The following SLC4A10 variants were observed in gnomAD, a reference collection of about 807,000 sequenced individuals.
SLC4A10 encodes solute carrier family 4 member 10, also known as sodium-driven chloride bicarbonate exchanger.
A neutral mutation model predicts 137.7 loss-of-function variants in SLC4A10; 42 were observed. That is an observed-to-expected ratio of 0.30 (90% confidence interval 0.24 to 0.39). The LOEUF (loss-of-function observed/expected upper bound fraction) is 0.39, where lower values mean the gene tolerates loss of function less well. Ranked by LOEUF, SLC4A10 falls within the 10% of genes least tolerant of loss-of-function variation. The pLI is 1.00. For synonymous variants in SLC4A10, 474 were observed against 464.1 expected (o/e 1.02, Z -0.27); for missense variants, 925 against 1,355.0 (o/e 0.68, Z 4.98).
At chr2:161,740,880 A>G (rs1277626125) in intron 1 of SLC4A10, among the ~76,000 whole-genome samples, 2 of 152,226 alleles carry the variant, frequency 1.3e-5, no homozygotes, top group Non-Finnish European at 2.9e-5. Flanking sequence ...AAGATATATT[A>G]AGATGTTTTA....
intron 6 of SLC4A10, among the ~76,000 whole-genome samples, chr2:161,866,303 C>T: frequency 6.6e-6 from 1 of 151,994 alleles, no homozygotes; most frequent in East Asian, 1.9e-4. Context: ...TTTCCTTGCT[C>T]TTCTCCTTCC....
chr2:161,942,454 T>C (rs1692889296), intron 15 of SLC4A10, among the ~76,000 whole-genome samples: 2 of 152,176 alleles, frequency 1.3e-5, no homozygotes. Context: ...TAAATACCCC[T>C]TTAATTTTAA....
chr2:161,711,888 T>G (rs1350849173), intron 1 of SLC4A10, among the ~76,000 whole-genome samples: 1 of 151,758 alleles, frequency 6.6e-6, no homozygotes, highest in African/African-American at 2.4e-5. Flanking sequence ...ATTAAGTGAG[T>G]TAATGTATGT....
At chr2:161,731,541 T>G (rs987158051) in intron 1 of SLC4A10, among the ~76,000 whole-genome samples, 1 of 152,140 alleles carries the variant, frequency 6.6e-6, no homozygotes, top group Non-Finnish European at 1.5e-5. Flanking sequence ...ACTTTTAAAT[T>G]TACAGACATA....
At chr2:161,640,102 T>C (rs1229605297) in intron 1 of SLC4A10, among the ~76,000 whole-genome samples, 5 of 152,192 alleles carry the variant, frequency 3.3e-5, no homozygotes, top group Non-Finnish European at 2.9e-5. Flanking sequence ...TACTTCTCCA[T>C]TTTTTATTCA....
At chr2:161,628,516 A>T (rs2032903217) in intron 1 of SLC4A10, among the ~76,000 whole-genome samples, 1 of 152,100 alleles carries the variant, frequency 6.6e-6, no homozygotes, top group African/African-American at 2.4e-5. Context: ...TCTTTAATGT[A>T]ATTAAATCAG....
intron 13 of SLC4A10, 52 bp from the exon 14 acceptor site, chr2:161,904,724 C>T: frequency 6.3e-7 from 1 of 1,598,116 alleles, no homozygotes; most frequent in Non-Finnish European, 8.5e-7. Context: ...TCCTTAGCTA[C>T]AATGGCCTCC....
intron 9 of SLC4A10, 86 bp from the exon 10 acceptor site, chr2:161,882,271 T>C (rs41267443): frequency 0.081 from 57,351 of 706,752 alleles, 2,663 homozygotes; most frequent in East Asian, 0.12. Context: ...CCATTTTCAG[T>C]AATTCCTTTG....
At chr2:161,706,120 A>G (rs1288937541) in intron 1 of SLC4A10, among the ~76,000 whole-genome samples, 2 of 151,548 alleles carry the variant, frequency 1.3e-5, no homozygotes, top group Admixed American at 6.6e-5. Flanking sequence ...AGATCTTATC[A>G]ACTAGATAAT....
At chr2:161,700,059 G>A (rs2042967530) in intron 1 of SLC4A10, among the ~76,000 whole-genome samples, 1 of 152,118 alleles carries the variant, frequency 6.6e-6, no homozygotes, top group Non-Finnish European at 1.5e-5. Context: ...AAGATCAGAT[G>A]TAATAGCATG....
intron 1 of SLC4A10, among the ~76,000 whole-genome samples, chr2:161,716,942 T>C (rs1244669201): frequency 6.6e-6 from 1 of 152,150 alleles, no homozygotes; most frequent in African/African-American, 2.4e-5. Flanking sequence ...GTGGATTGTT[T>C]TTCGATTTGT....
intron 15 of SLC4A10, among the ~76,000 whole-genome samples, chr2:161,942,475 T>A (rs565286225): frequency 6.6e-6 from 1 of 152,272 alleles, no homozygotes; most frequent in South Asian, 2.1e-4. Flanking sequence ...TTGATATGAT[T>A]TTACAATATT....
chr2:161,908,493 G>A (rs1310805758), intron 15 of SLC4A10, among the ~76,000 whole-genome samples: 1 of 149,650 alleles, frequency 6.7e-6, no homozygotes, highest in Non-Finnish European at 1.5e-5. Context: ...GCTAAATGAC[G>A]AGTTGATGGG....
intron 1 of SLC4A10, among the ~76,000 whole-genome samples, chr2:161,727,065 G>A (rs1207760488): frequency 6.6e-6 from 1 of 152,188 alleles, no homozygotes; most frequent in African/African-American, 2.4e-5. Context: ...TTATTCACTG[G>A]AGAGGGTTAT....
At chr2:161,770,118 T>C (rs1216074915) in intron 1 of SLC4A10, among the ~76,000 whole-genome samples, 1 of 151,936 alleles carries the variant, frequency 6.6e-6, no homozygotes, top group East Asian at 1.9e-4. Context: ...ATCTTTTTAT[T>C]TCACCTTTTG....
intron 15 of SLC4A10, among the ~76,000 whole-genome samples, chr2:161,916,480 C>G (rs1245187457): frequency 6.6e-6 from 1 of 152,166 alleles, no homozygotes; most frequent in East Asian, 1.9e-4. Flanking sequence ...ACAGACTGTT[C>G]TCTATGAAGC....
At chr2:161,871,474 C>T (rs1165105717) in intron 6 of SLC4A10, among the ~76,000 whole-genome samples, 1 of 151,936 alleles carries the variant, frequency 6.6e-6, no homozygotes, top group Non-Finnish European at 1.5e-5. Context: ...TGACTTACTG[C>T]AAACAATGTT....
At chr2:161,702,342 G>A (rs980994621) in intron 1 of SLC4A10, among the ~76,000 whole-genome samples, 3 of 151,776 alleles carry the variant, frequency 2.0e-5, no homozygotes, top group African/African-American at 7.2e-5. Context: ...TTTCACTTAA[G>A]GGATTATTAT....
At chr2:161,772,217 A>G (rs1460309656) in intron 2 of SLC4A10, among the ~76,000 whole-genome samples, 2 of 151,882 alleles carry the variant, frequency 1.3e-5, no homozygotes, top group East Asian at 3.9e-4. Context: ...AAAAATCTAG[A>G]CTGGTAATGG....
Sources: allele counts gnomAD v4.1 joint callset (sites outside exome capture counted in the v4.1 genomes callset), GRCh38; gene constraint gnomAD v4.1.1; transcripts MANE v1.5; gene names NCBI Gene and HGNC (gene_info 2026-07-23, HGNC 2026-07-21).